Variants in NCKAP5 observed in about 807,000 individuals in gnomAD.
NCKAP5 encodes nck-associated protein 5.
In NCKAP5, 92 loss-of-function variants were observed where a neutral mutation model predicts 167.0. The observed-to-expected ratio is 0.55, with a 90% CI of 0.47 to 0.66. NCKAP5 has a LOEUF of 0.66. Among genes scored for constraint, NCKAP5 ranks in the 30% least tolerant of loss-of-function variants. The pLI is 0.00. For missense variants in NCKAP5, 2,378 were observed against 2,315.0 expected (o/e 1.03, Z -0.56); for synonymous variants, 891 against 877.4 (o/e 1.02, Z -0.27).
chr2:133,438,615 G>T (rs72846357), intron 3 of NCKAP5, among the ~76,000 whole-genome samples: 16,683 of 152,156 alleles, frequency 0.11, 989 homozygotes, highest in Middle Eastern at 0.19. Flanking sequence ...GTTACAGGCT[G>T]GGGGTTATAG....
At chr2:132,818,882 T>C (rs999960868) in intron 11 of NCKAP5, among the ~76,000 whole-genome samples, 3 of 152,224 alleles carry the variant, frequency 2.0e-5, no homozygotes, top group Admixed American at 2.0e-4. Flanking sequence ...AAATATTGTG[T>C]ATGTGTATCA....
intron 6 of NCKAP5, among the ~76,000 whole-genome samples, chr2:133,007,819 G>T (rs1475321536): frequency 2.0e-5 from 3 of 152,154 alleles, no homozygotes; most frequent in African/African-American, 4.8e-5. Context: ...TCAATATGAA[G>T]TTTTCTCTAT....
intron 5 of NCKAP5, among the ~76,000 whole-genome samples, chr2:133,210,376 C>A (rs978904369): frequency 6.6e-6 from 1 of 151,784 alleles, no homozygotes; most frequent in Non-Finnish European, 1.5e-5. Flanking sequence ...ATATCAGCCT[C>A]AATTTAATTA....
chr2:133,543,221 G>A (rs554582215), intron 2 of NCKAP5, among the ~76,000 whole-genome samples: 2 of 152,072 alleles, frequency 1.3e-5, no homozygotes, highest in East Asian at 3.9e-4. Flanking sequence ...TCTCTCTCTT[G>A]TTCACTCTCT....
intron 11 of NCKAP5, among the ~76,000 whole-genome samples, chr2:132,815,469 A>C (rs146147227): frequency 6.6e-6 from 1 of 152,322 alleles, no homozygotes; most frequent in African/African-American, 2.4e-5. Context: ...TGGGTTGGAG[A>C]CTACAAATAT....
chr2:132,982,043 G>A (rs6727803), intron 7 of NCKAP5, among the ~76,000 whole-genome samples: 49,962 of 152,038 alleles, frequency 0.33, 10,770 homozygotes, highest in African/African-American at 0.61. Flanking sequence ...TTAGGCTTAC[G>A]AAAGGCATCC....
At chr2:132,997,738 T>C (rs1211757010) in intron 6 of NCKAP5, among the ~76,000 whole-genome samples, 1 of 151,504 alleles carries the variant, frequency 6.6e-6, no homozygotes, top group Non-Finnish European at 1.5e-5. Flanking sequence ...CTTTGGTGGA[T>C]GAACCCAAGA....
intron 3 of NCKAP5, among the ~76,000 whole-genome samples, chr2:133,408,980 T>C (rs903556546): frequency 6.6e-6 from 1 of 152,214 alleles, no homozygotes; most frequent in Non-Finnish European, 1.5e-5. Context: ...GAATGAGGAA[T>C]AAATGTTGAA....
At chr2:133,558,420 G>C (rs1321397855) in intron 2 of NCKAP5, among the ~76,000 whole-genome samples, 6 of 151,952 alleles carry the variant, frequency 3.9e-5, no homozygotes, top group Non-Finnish European at 7.4e-5. Flanking sequence ...GAAGAACGAA[G>C]ACAGAAGATT....
intron 3 of NCKAP5, among the ~76,000 whole-genome samples, chr2:133,462,809 T>C (rs1692284269): frequency 6.6e-6 from 1 of 152,160 alleles, no homozygotes; most frequent in African/African-American, 2.4e-5. Flanking sequence ...GCCACAAGCA[T>C]AAGAGCATGA....
At chr2:133,577,587 C>T in the NCKAP5 span, among the ~76,000 whole-genome samples, 126,685 of 152,036 alleles carry the variant, frequency 0.83, 53,007 homozygotes, top group East Asian at 0.97. Flanking sequence ...TTACATTGTA[C>T]ACATGTGCCA....
intron 3 of NCKAP5, among the ~76,000 whole-genome samples, chr2:133,469,758 A>G (rs1286363798): frequency 6.6e-6 from 1 of 151,044 alleles, no homozygotes; most frequent in African/African-American, 2.4e-5. Context: ...CATTTCATTC[A>G]TTTCATCTTC....
chr2:133,562,835 A>T (rs1481114325), intron 1 of NCKAP5, among the ~76,000 whole-genome samples: 2 of 152,222 alleles, frequency 1.3e-5, no homozygotes, highest in African/African-American at 4.8e-5. Flanking sequence ...AACTGACACG[A>T]TACACTTCAT....
At chr2:133,086,432 G>T (rs2080994547) in intron 6 of NCKAP5, among the ~76,000 whole-genome samples, 1 of 152,094 alleles carries the variant, frequency 6.6e-6, no homozygotes, top group African/African-American at 2.4e-5. Context: ...GAGCCCAGGA[G>T]TTTGTCACCA....
At chr2:132,835,736 T>G (rs1687845291) in intron 11 of NCKAP5, among the ~76,000 whole-genome samples, 1 of 152,114 alleles carries the variant, frequency 6.6e-6, no homozygotes. Context: ...TGCCAGTTAA[T>G]TTTATGTCAA....
chr2:133,671,242 AAG>A, the NCKAP5 span, among the ~76,000 whole-genome samples: 1 of 151,204 alleles, frequency 6.6e-6, no homozygotes, highest in Non-Finnish European at 1.5e-5. Context: ...AAAAAAAAGA[AAG>A]AAACAAAGAT....
chr2:133,346,237 G>T, intron 3 of NCKAP5, among the ~76,000 whole-genome samples: 1 of 152,282 alleles, frequency 6.6e-6, no homozygotes, highest in Non-Finnish European at 1.5e-5. Flanking sequence ...GGAATCCAAA[G>T]AAGTGAGCAA....
chr2:133,512,742 T>C (rs111382090), intron 3 of NCKAP5, among the ~76,000 whole-genome samples: 2,688 of 152,308 alleles, frequency 0.018, 39 homozygotes, highest in Non-Finnish European at 0.024. Context: ...ATGACATGAA[T>C]TGGCACCAAA....
At position 133,568,360 on chromosome 2, in the gene NCKAP5, G is replaced by C. The variant is rs745317025; in HGVS notation, c.-274C>G. On this transcript the variant is annotated 5_prime_UTR_variant, in exon 1 of 20. Coordinates refer to ENST00000409261, the MANE Select transcript of NCKAP5 (RefSeq NM_207363.3). The stretch of plus-strand genomic sequence containing the variant: ...ATTCAAAGGCCACGCTAACAGAACA[G>C]ACTCGGTTTTCCTGAACATCCACAG... The C allele has an allele frequency of 1.3e-5, 2 of 152,196 alleles. No individual in the cohort carries two copies. Among genetic ancestry groups the C allele is most frequent in the Admixed American group, 1.3e-4 (2 of 15,276 alleles). The allele number at this position is 152,196 out of a possible 1,614,324, so 9.4% of individuals were successfully genotyped here. A position where few individuals can be genotyped will look rare whatever the true frequency, so the allele number is the denominator to read the frequency against.
Sources: allele counts gnomAD v4.1 joint callset (sites outside exome capture counted in the v4.1 genomes callset), GRCh38; gene constraint gnomAD v4.1.1; transcripts MANE v1.5; gene names NCBI Gene and HGNC (gene_info 2026-07-23, HGNC 2026-07-21).